The following LRGUK variants were observed in gnomAD, a reference collection of about 807,000 sequenced individuals.
LRGUK encodes the protein leucine rich repeats and guanylate kinase domain containing, also known as leucine-rich repeat and guanylate kinase domain-containing protein.
In LRGUK, 65 loss-of-function variants were observed where a neutral mutation model predicts 76.0. The ratio of observed to expected loss-of-function variants is 0.85; its 90% CI spans 0.70 to 1.05. LRGUK has a LOEUF of 1.05. Ranked by LOEUF, LRGUK falls within the 50% of genes least tolerant of loss-of-function variation. The pLI, the probability that LRGUK is intolerant of heterozygous loss-of-function variation, is 0.00. For missense variants in LRGUK, 758 were observed against 732.8 expected, an observed-to-expected ratio of 1.03 and a Z score of -0.40; for synonymous variants, 268 against 265.6, an observed-to-expected ratio of 1.01 and a Z score of -0.09.
chr7:134,157,662 A>G (rs887890997), intron 5 of LRGUK, among the ~76,000 whole-genome samples: 9 of 152,148 alleles, frequency 5.9e-5, no homozygotes, highest in Non-Finnish European at 8.8e-5. Context: ...AGCTGGGACT[A>G]CAGGCACCCA....
At position 134,247,661 on chromosome 7, in the gene LRGUK, T is replaced by C. The variant is rs771959123; in HGVS notation, c.2072+17T>C. The C allele has an allele frequency of 6.4e-6, 10 of 1,570,746 alleles. No individual in the cohort carries two copies. In the South Asian group the frequency reaches 7.8e-5, roughly 12 times the overall value. The stretch of plus-strand genomic sequence containing the variant: ...ATTTCAAAGGTAGCAATTTATCACA[T>C]GAGCAACTTTAGATTGATTTCCTAG... On this transcript the variant is annotated intron_variant, in intron 17 of 19. Coordinates refer to the LRGUK transcript ENST00000285928.
chr7:134,248,532 C>T (rs113967815), intron 17 of LRGUK, among the ~76,000 whole-genome samples: 6 of 152,208 alleles, frequency 3.9e-5, no homozygotes, highest in East Asian at 1.9e-4. Flanking sequence ...TTTAGTTGAA[C>T]GTATAATGGT....
At chr7:134,157,079 G>A (rs1465557636) in intron 5 of LRGUK, among the ~76,000 whole-genome samples, 1 of 152,176 alleles carries the variant, frequency 6.6e-6, no homozygotes, top group African/African-American at 2.4e-5. Context: ...AGTGTTAGGT[G>A]ACTACAAGAT....
chr7:134,139,509 A>C, exon 3 of LRGUK: 2 of 1,596,730 alleles, frequency 1.3e-6, no homozygotes, highest in South Asian at 1.1e-5. Flanking sequence ...TCAGCGAATA[A>C]AATTGAAGGT....
At chr7:134,169,276 A>G (rs1007630106) in intron 7 of LRGUK, among the ~76,000 whole-genome samples, 7 of 152,108 alleles carry the variant, frequency 4.6e-5, no homozygotes, top group African/African-American at 1.4e-4. Flanking sequence ...GTCTGGAGTT[A>G]CTGGAAGCTG....
At chr7:134,221,736 C>G (rs376265318) in intron 15 of LRGUK, 43 bp from the exon 16 acceptor site, 57 of 1,406,820 alleles carry the variant, frequency 4.1e-5, no homozygotes, top group Non-Finnish European at 5.2e-5. Flanking sequence ...CAGAAATTTC[C>G]TTTATGACTT....
At chr7:134,256,982 T>G (rs1802600545) in intron 18 of LRGUK, among the ~76,000 whole-genome samples, 1 of 151,900 alleles carries the variant, frequency 6.6e-6, no homozygotes, top group Non-Finnish European at 1.5e-5. Context: ...ATCTTTGGGG[T>G]CCCAAGGTGG....
downstream of LRGUK, among the ~76,000 whole-genome samples, chr7:134,265,041 C>T (rs2544182): frequency 0.45 from 68,543 of 151,812 alleles, 15,780 homozygotes; most frequent in South Asian, 0.56. Flanking sequence ...ATTAAAGTTC[C>T]TTTCTTGGGG....
rs145234565 is a variant in LRGUK, at chr7:134,255,763, G to GTT, written c.2199-2491_2199-2490dup. 5.8e-3 allele frequency among the ~76,000 whole-genome samples: 874 copies of GTT among 151,924 alleles called. 12 individuals are homozygous for GTT. Among genetic ancestry groups the GTT allele is most frequent in the African/African-American group, 0.02 (818 of 41,292 alleles). ...GAGGGGTTCGCCTACATTTATACCT[G>GTT]TTTTATTTTCTTTTTTGACACTTGC... On this transcript the variant is annotated intron_variant, in intron 18 of 19. Transcript: ENST00000285928.
chr7:134,214,432 C>T (rs1801379004), downstream of LRGUK, among the ~76,000 whole-genome samples: 1 of 152,116 alleles, frequency 6.6e-6, no homozygotes, highest in Non-Finnish European at 1.5e-5. Flanking sequence ...AAGGAACTCA[C>T]TTATGGGCAA....
chr7:134,181,051 G>A (rs1359627907), intron 10 of LRGUK, among the ~76,000 whole-genome samples: 6 of 152,092 alleles, frequency 3.9e-5, no homozygotes, highest in East Asian at 3.8e-4. Context: ...ATCACATACC[G>A]TGCTTTCTCC....
intron 10 of LRGUK, among the ~76,000 whole-genome samples, chr7:134,178,929 A>AG (rs1799608531): frequency 7.1e-6 from 1 of 141,092 alleles, no homozygotes; most frequent in African/African-American, 2.6e-5. Flanking sequence ...GAAATCTCAA[A>AG]AAAAAAAAAA....
intron 16 of LRGUK, among the ~76,000 whole-genome samples, chr7:134,243,499 G>A (rs1802216398): frequency 6.6e-6 from 1 of 152,136 alleles, no homozygotes. Context: ...TACAAGGGAT[G>A]TGAAGGACCT....
At chr7:134,178,537 A>T (rs1799584631) in exon 10 of LRGUK, 1 of 1,613,076 alleles carries the variant, frequency 6.2e-7, no homozygotes, top group Admixed American at 1.7e-5. Flanking sequence ...CCTCCCCCTG[A>T]AGTGGTTGCA....
intron 15 of LRGUK, among the ~76,000 whole-genome samples, chr7:134,218,929 T>C (rs910145662): frequency 6.6e-6 from 1 of 152,218 alleles, no homozygotes; most frequent in Admixed American, 6.5e-5. Context: ...TACTAATCCA[T>C]AAAATAACTT....
intron 18 of LRGUK, among the ~76,000 whole-genome samples, chr7:134,252,148 C>T (rs981135181): frequency 1.1e-4 from 16 of 150,866 alleles, no homozygotes; most frequent in Admixed American, 2.6e-4. Context: ...AGACCAGCCT[C>T]GGCAACATAG....
At chr7:134,137,342 A>T (rs1204334015) in intron 2 of LRGUK, among the ~76,000 whole-genome samples, 1 of 152,166 alleles carries the variant, frequency 6.6e-6, no homozygotes, top group African/African-American at 2.4e-5. Context: ...CTTAGTTTTC[A>T]TTCTCTTCAC....
the LRGUK span, among the ~76,000 whole-genome samples, chr7:134,273,334 C>T: frequency 1.3e-5 from 2 of 152,110 alleles, no homozygotes; most frequent in African/African-American, 2.4e-5. Context: ...TCTCAGAGTC[C>T]CACATTCAAA....
downstream of LRGUK, among the ~76,000 whole-genome samples, chr7:134,211,092 C>T (rs936414359): frequency 2.0e-5 from 3 of 152,216 alleles, no homozygotes; most frequent in Non-Finnish European, 4.4e-5. Context: ...CCATGGTCAG[C>T]GTAGGTGGAG....
Sources: allele counts gnomAD v4.1 joint callset (sites outside exome capture counted in the v4.1 genomes callset), GRCh38; gene constraint gnomAD v4.1.1; transcripts MANE v1.5; gene names NCBI Gene and HGNC (gene_info 2026-07-23, HGNC 2026-07-21).